The following JAKMIP3 variants were observed in gnomAD, a reference collection of about 807,000 sequenced individuals.
JAKMIP3 encodes janus kinase and microtubule-interacting protein 3.
In JAKMIP3, 58 loss-of-function variants were observed where a neutral mutation model predicts 118.5. The ratio of observed to expected loss-of-function variants is 0.49; its 90% CI spans 0.40 to 0.61. The LOEUF (loss-of-function observed/expected upper bound fraction) is 0.61, where lower values mean the gene tolerates loss of function less well. Ranked by LOEUF, JAKMIP3 falls within the 20% of genes least tolerant of loss-of-function variation. The pLI is 0.00. For synonymous variants in JAKMIP3, 486 were observed against 451.2 expected, an observed-to-expected ratio of 1.08 and a Z score of -0.98; for missense variants, 950 against 1,109.0, an observed-to-expected ratio of 0.86 and a Z score of 2.04.
At chr10:132,062,561 T>C (rs993297727), upstream of JAKMIP3, among the ~76,000 whole-genome samples, 3 of 152,248 alleles carry the variant, frequency 2.0e-5, no homozygotes, top group African/African-American at 7.2e-5. Context: ...CCAGTGCGGA[T>C]AGCCCTCGAG....
intron 1 of JAKMIP3, among the ~76,000 whole-genome samples, chr10:132,094,919 A>G (rs2043643513): frequency 6.6e-6 from 1 of 152,018 alleles, no homozygotes; most frequent in African/African-American, 2.4e-5. Flanking sequence ...GCTGTGGGGC[A>G]TGGGGGTGAG....
At chr10:132,138,400 G>A in intron 9 of JAKMIP3, among the ~76,000 whole-genome samples, 1 of 149,604 alleles carries the variant, frequency 6.7e-6, no homozygotes, top group Non-Finnish European at 1.5e-5. Flanking sequence ...TACGCCGGGT[G>A]TGTGCGGAGA....
Position 132,180,704 on chromosome 10 carries a change from TGTGC to T in JAKMIP3, c.*1104-1651_*1104-1648del, listed in dbSNP as rs1263822685. 2.0e-3 allele frequency among the ~76,000 whole-genome samples: 72 copies of T among 35,234 alleles called. 9 individuals carry two copies. The highest frequency in any genetic ancestry group is 7.6e-3 in the Admixed American group (23 of 3,028). The allele number at this position is 35,234 out of a possible 152,430, so 23.1% of individuals were successfully genotyped here. On this transcript the variant is annotated intron_variant, in intron 23 of 23. Coordinates refer to ENST00000684848, the MANE Select transcript of JAKMIP3 (RefSeq NM_001323087.2). ...GCGCGTGTGTGTGCGTGCGTGTGTG[TGTGC>T]GCGTGTGTGTGCGTGTGTGTGCGTG...
chr10:132,039,766 C>T (rs1240649472), intron 1 of JAKMIP3, among the ~76,000 whole-genome samples: 1 of 151,582 alleles, frequency 6.6e-6, no homozygotes, highest in Non-Finnish European at 1.5e-5. Flanking sequence ...TTCTGGCCTC[C>T]TCTCTCGGCC....
At chr10:132,075,454 T>C (rs1332698726) in intron 1 of JAKMIP3, among the ~76,000 whole-genome samples, 2 of 142,146 alleles carry the variant, frequency 1.4e-5, no homozygotes, top group Non-Finnish European at 3.0e-5. Flanking sequence ...TCACCCAGGC[T>C]GGAGTGCTGC....
At chr10:132,135,186 TCCTGGG>T in intron 5 of JAKMIP3, 26 bp downstream of exon 5, 3 of 1,579,082 alleles carry the variant, frequency 1.9e-6, no homozygotes, top group Non-Finnish European at 2.6e-6. Flanking sequence ...GGCTTCTGGC[TCCTGGG>T]GGTTTGTGAC....
chr10:132,126,284 G>A (rs754979927), intron 3 of JAKMIP3, among the ~76,000 whole-genome samples: 42 of 151,590 alleles, frequency 2.8e-4, no homozygotes, highest in Admixed American at 3.9e-4. Flanking sequence ...TTTGTTTTTG[G>A]TGGGTTTTTT....
In JAKMIP3 at chr10:132,114,705, A is replaced by G. The variant is rs375423042; in HGVS notation, c.136-2372A>G. Among the ~76,000 whole-genome samples, 13 of 152,328 alleles carry G rather than the reference A, an allele frequency of 8.5e-5. No homozygotes were observed. In the South Asian group the frequency reaches 2.7e-3, roughly 32 times the overall value. ...CAATTTGGGGAAAATAAACATGTTT[A>G]TAATATTGAGTCTTTGGGTTCATGA... On this transcript the variant is annotated intron_variant, in intron 2 of 23. Transcript: ENST00000684848.
intron 11 of JAKMIP3, among the ~76,000 whole-genome samples, chr10:132,143,365 C>A (rs1195462795): frequency 6.6e-6 from 1 of 152,074 alleles, no homozygotes; most frequent in Non-Finnish European, 1.5e-5. Context: ...TCCCTCACAG[C>A]GGGGGCGGGG....
chr10:132,116,575 G>A (rs1230730709), intron 2 of JAKMIP3, among the ~76,000 whole-genome samples: 3 of 45,668 alleles, frequency 6.6e-5, no homozygotes, highest in African/African-American at 3.0e-4. Context: ...CATCATGGAC[G>A]CTCCCCCCGA....
intron 23 of JAKMIP3, among the ~76,000 whole-genome samples, chr10:132,174,661 G>A (rs913287812): frequency 1.8e-4 from 27 of 152,092 alleles, no homozygotes; most frequent in Non-Finnish European, 2.6e-4. Context: ...TACATGGTGA[G>A]TGCATGCTTA....
intron 1 of JAKMIP3, among the ~76,000 whole-genome samples, chr10:132,075,318 C>T (rs1381782668): frequency 6.6e-6 from 1 of 150,378 alleles, no homozygotes; most frequent in Non-Finnish European, 1.5e-5. Context: ...TTCAAATTTA[C>T]AGCTTTTCAC....
intron 1 of JAKMIP3, among the ~76,000 whole-genome samples, chr10:132,073,073 G>T (rs959119054): frequency 6.6e-6 from 1 of 152,196 alleles, no homozygotes; most frequent in African/African-American, 2.4e-5. Flanking sequence ...TTCTGCAAAA[G>T]ACATGATTTC....
At chr10:132,090,436 T>TGG (rs776520872) in intron 1 of JAKMIP3, among the ~76,000 whole-genome samples, 1 of 152,200 alleles carries the variant, frequency 6.6e-6, no homozygotes, top group African/African-American at 2.4e-5. Flanking sequence ...GGTTTAGTCT[T>TGG]GGGAGGGTGT....
intron 23 of JAKMIP3, among the ~76,000 whole-genome samples, chr10:132,174,434 CGTGGGCTCT>C (rs1221050618): frequency 7.9e-5 from 12 of 151,628 alleles, no homozygotes; most frequent in Non-Finnish European, 1.2e-4. Context: ...CAGTGGGCTC[CGTGGGCTCT>C]GTGGGCTCCG....
chr10:132,085,300 T>C (rs2042248619), intron 1 of JAKMIP3, among the ~76,000 whole-genome samples: 1 of 152,174 alleles, frequency 6.6e-6, no homozygotes, highest in Non-Finnish European at 1.5e-5. Flanking sequence ...AGAAGGAGGG[T>C]TGTATCTTTC....
chr10:132,167,009 C>G lies in JAKMIP3; in HGVS notation c.2517C>G (p.Ser839=). 3.2e-6 allele frequency: 5 copies of G among 1,549,698 alleles called. No homozygotes were observed. The highest frequency in any genetic ancestry group is 4.4e-6 in the Non-Finnish European group (5 of 1,145,362). The change falls in exon 22 of 24, where the codon TCC becomes TCG. Residue 839 remains serine, a synonymous_variant. Transcript: ENST00000684848. The part of the protein sequence containing the change: ...EKFLFLFLFF[S]LAFILWS ...TTCTATTTTTGTTCTTATTTTTCTC[C>G]TTAGCTTTCATTCTCTGGTCATAGT...
At chr10:132,180,692 C>T (rs796440323) in intron 23 of JAKMIP3, among the ~76,000 whole-genome samples, 126 of 11,254 alleles carry the variant, frequency 0.011, 17 homozygotes, top group African/African-American at 0.014. Flanking sequence ...CGTGTGTGTG[C>T]GTGCGTGTGT....
At chr10:132,141,464 G>A (rs1170497636) in intron 10 of JAKMIP3, among the ~76,000 whole-genome samples, 1 of 152,178 alleles carries the variant, frequency 6.6e-6, no homozygotes, top group East Asian at 1.9e-4. Context: ...GGGAGGAGAC[G>A]TGCTGCCTGG....
Sources: gnomAD v4.1 joint callset for allele counts (sites outside exome capture counted in the v4.1 genomes callset) on GRCh38, gnomAD v4.1.1 for gene constraint, MANE v1.5 for transcripts, NCBI Gene and HGNC (gene_info 2026-07-23, HGNC 2026-07-21) for gene names.